PIK3C3: variants seen among roughly 807,000 people sequenced by gnomAD.
PIK3C3 encodes phosphatidylinositol 3-kinase catalytic subunit type 3, also known as PI3-kinase type 3.
A neutral mutation model predicts 126.1 loss-of-function variants in PIK3C3; 95 were observed. The ratio of observed to expected loss-of-function variants is 0.75; its 90% CI spans 0.64 to 0.89. PIK3C3 has a LOEUF of 0.89. PIK3C3 is among the 40% of genes least tolerant of loss of function. The pLI is 0.00. For missense variants in PIK3C3, 829 were observed against 1,063.2 expected (o/e 0.78, Z 3.06); for synonymous variants, 374 against 360.0 (o/e 1.04, Z -0.44).
At chr18:42,025,758 A>C (rs570750139) in intron 13 of PIK3C3, 2 of 152,240 alleles carry the variant, frequency 1.3e-5, no homozygotes, top group Non-Finnish European at 2.9e-5. Context: ...ATGGAATTCA[A>C]GATTAGACCT....
At chr18:42,015,205 T>G in intron 11 of PIK3C3, among the ~76,000 whole-genome samples, 1 of 151,816 alleles carries the variant, frequency 6.6e-6, no homozygotes, top group South Asian at 2.1e-4. Context: ...TAAATGGGCT[T>G]AAACAAACAA....
At chr18:42,055,253 C>T (rs560125965) in intron 21 of PIK3C3, among the ~76,000 whole-genome samples, 21 of 152,240 alleles carry the variant, frequency 1.4e-4, no homozygotes, top group African/African-American at 4.8e-4. Context: ...GATCTCAGCA[C>T]ATGCCAGCTC....
intron 6 of PIK3C3, among the ~76,000 whole-genome samples, chr18:41,991,349 T>C (rs760137627): frequency 1.3e-5 from 2 of 152,026 alleles, no homozygotes; most frequent in Non-Finnish European, 2.9e-5. Flanking sequence ...ATGGCGAGAC[T>C]CCATCTTTAT....
At chr18:42,015,666 A>G in intron 12 of PIK3C3, 100 bp downstream of exon 12, 1 of 793,504 alleles carries the variant, frequency 1.3e-6, no homozygotes, top group Admixed American at 2.1e-5. Context: ...ATAACTAAAT[A>G]TTACAACTTT....
rs146604083 is a variant in PIK3C3 at position 42,033,893 on chromosome 18, C to T, written c.1775C>T (p.Pro592Leu). Residue 592 changes from proline to leucine, a missense_variant, in exon 16 of 25, where the codon CCG becomes CTG. Transcript: ENST00000262039. ...KMNLSDVELI[P>L]LPLEPQVKIR... Reference sequence around the variant, plus strand: ...AATTTGTCAGATGTGGAACTTATCCCGTTGCCTTTAGAACCCCAAGTGAAA... The same window carrying T: ...AATTTGTCAGATGTGGAACTTATCCTGTTGCCTTTAGAACCCCAAGTGAAA... 4.1e-5 allele frequency: 66 copies of T among 1,604,758 alleles called. No individual in the cohort carries two copies. The highest frequency in any genetic ancestry group is 5.3e-5 in the Non-Finnish European group (62 of 1,174,068).
chr18:41,994,874 CA>C (rs921888116), intron 7 of PIK3C3, among the ~76,000 whole-genome samples: 7 of 151,784 alleles, frequency 4.6e-5, no homozygotes, highest in Non-Finnish European at 7.4e-5. Context: ...CCCATCTCTA[CA>C]AAAAAATAAA....
intron 15 of PIK3C3, 42 bp downstream of exon 15, chr18:42,029,483 G>A (rs1341162030): frequency 2.8e-6 from 3 of 1,085,254 alleles, no homozygotes; most frequent in Non-Finnish European, 4.2e-6. Flanking sequence ...TAGCATCTTG[G>A]CATCAGAAAA....
At position 42,083,287 on chromosome 18, in the gene PIK3C3, C is replaced by G. The variant is rs570740732; in HGVS notation, c.*2150C>G. 6.6e-6 allele frequency: 1 copy of G among 152,150 alleles called. No homozygotes were observed. The highest frequency in any genetic ancestry group is 2.1e-4 in the South Asian group (1 of 4,820). The allele number at this position is 152,150 out of a possible 1,614,324, so 9.4% of individuals were successfully genotyped here. On this transcript the variant is annotated 3_prime_UTR_variant, in exon 25 of 25. Coordinates refer to ENST00000262039, the MANE Select transcript of PIK3C3 (RefSeq NM_002647.4). ...CTTTATTATCATTGCCATGTGACTTCTTTGGTGACAAGTTCAGTGATATTT... is the reference window on the plus strand; with the variant it reads ...CTTTATTATCATTGCCATGTGACTTGTTTGGTGACAAGTTCAGTGATATTT...
intron 24 of PIK3C3, among the ~76,000 whole-genome samples, chr18:42,078,661 A>G (rs1028240662): frequency 6.6e-6 from 1 of 152,202 alleles, no homozygotes; most frequent in Non-Finnish European, 1.5e-5. Flanking sequence ...CTTATTCATT[A>G]GAAGCCTGTT....
At chr18:42,071,439 G>C (rs924617455) in intron 24 of PIK3C3, among the ~76,000 whole-genome samples, 8 of 152,140 alleles carry the variant, frequency 5.3e-5, no homozygotes, top group African/African-American at 1.9e-4. Flanking sequence ...GTTGTTTTCA[G>C]CCTGGCTCAG....
chr18:42,076,158 A>ATATATG (rs1334488882), intron 24 of PIK3C3, among the ~76,000 whole-genome samples: 4 of 116,944 alleles, frequency 3.4e-5, no homozygotes, highest in African/African-American at 1.5e-4. Context: ...ATATATATAT[A>ATATATG]TATGCACATA....
intron 22 of PIK3C3, among the ~76,000 whole-genome samples, chr18:42,064,270 T>C (rs1156581148): frequency 6.6e-6 from 1 of 152,188 alleles, no homozygotes; most frequent in African/African-American, 2.4e-5. Flanking sequence ...TTGGTGTATC[T>C]GGAAGATACT....
rs912765525 is a variant in PIK3C3 at position 41,970,194 on chromosome 18, T to C, written c.402-133T>C. Reference sequence around the variant, plus strand: ...GCTTGGTTAATTGCTTTACATTCCATTGGGGGCTTAAAGCTTGGCAGTGGA... The same window carrying C: ...GCTTGGTTAATTGCTTTACATTCCACTGGGGGCTTAAAGCTTGGCAGTGGA... On this transcript the variant is annotated intron_variant, in intron 3 of 24. Coordinates refer to ENST00000262039, the MANE Select transcript of PIK3C3 (RefSeq NM_002647.4). 51 of 706,934 alleles carry C rather than the reference T, an allele frequency of 7.2e-5. No homozygotes were observed. The Admixed American group carries it at 1.2e-3, about 17-fold the overall frequency. 43.8% of individuals were successfully genotyped at this position (706,934 alleles called of 1,614,324 possible). A position where few individuals can be genotyped will look rare whatever the true frequency, so the allele number is the denominator to read the frequency against.
chr18:41,999,164 A>G (rs909983464), intron 9 of PIK3C3, among the ~76,000 whole-genome samples: 4 of 152,064 alleles, frequency 2.6e-5, no homozygotes, highest in South Asian at 2.1e-4. Context: ...ACTTTGTTCA[A>G]TTAAATTTGT....
At chr18:41,999,735 TTAATA>T (rs1274020566) in intron 9 of PIK3C3, among the ~76,000 whole-genome samples, 1 of 152,136 alleles carries the variant, frequency 6.6e-6, no homozygotes, top group African/African-American at 2.4e-5. Context: ...ATATAAGTAA[TTAATA>T]TAATATAAAT....
chr18:42,063,393 A>C (rs1245467271), intron 22 of PIK3C3, among the ~76,000 whole-genome samples: 1 of 152,190 alleles, frequency 6.6e-6, no homozygotes, highest in Non-Finnish European at 1.5e-5. Flanking sequence ...GAATGAATAA[A>C]ATGATTACAT....
At chr18:42,065,815 CTAACA>C (rs1321376336) in intron 23 of PIK3C3, among the ~76,000 whole-genome samples, 2 of 152,056 alleles carry the variant, frequency 1.3e-5, no homozygotes, top group Admixed American at 6.6e-5. Flanking sequence ...AGAGGACAGC[CTAACA>C]TAAGTCAGTA....
chr18:41,998,397 C>T (rs930100962), intron 9 of PIK3C3, among the ~76,000 whole-genome samples: 5 of 151,996 alleles, frequency 3.3e-5, no homozygotes, highest in African/African-American at 7.2e-5. Flanking sequence ...AGCTCAGTGT[C>T]GTCTTAAATA....
chr18:42,069,591 T>C (rs1281247857), intron 24 of PIK3C3, among the ~76,000 whole-genome samples: 1 of 152,228 alleles, frequency 6.6e-6, no homozygotes, highest in East Asian at 1.9e-4. Context: ...AGTTAAAACA[T>C]GCTTGAAGTC....
Sources: allele counts gnomAD v4.1 joint callset (sites outside exome capture counted in the v4.1 genomes callset), GRCh38; gene constraint gnomAD v4.1.1; transcripts MANE v1.5; gene names NCBI Gene and HGNC (gene_info 2026-07-23, HGNC 2026-07-21).